The following OCA2 variants were observed in gnomAD, a reference collection of about 807,000 sequenced individuals.
The protein encoded by OCA2 is OCA2 melanosomal transmembrane protein.
OCA2 carries 77 observed loss-of-function variants against 100.2 expected under a neutral mutation model. The ratio of observed to expected loss-of-function variants is 0.77; its 90% CI spans 0.64 to 0.93. The LOEUF (loss-of-function observed/expected upper bound fraction) is 0.93, where lower values mean the gene tolerates loss of function less well. Ranked by LOEUF, OCA2 falls within the 40% of genes least tolerant of loss-of-function variation. The pLI is 0.00. For synonymous variants in OCA2, 432 were observed against 439.2 expected, an observed-to-expected ratio of 0.98 and a Z score of 0.21; for missense variants, 1,062 against 1,089.1, an observed-to-expected ratio of 0.98 and a Z score of 0.35.
chr15:27,864,587 G>A (rs1345654172), intron 21 of OCA2, among the ~76,000 whole-genome samples: 3 of 152,088 alleles, frequency 2.0e-5, no homozygotes, highest in Non-Finnish European at 4.4e-5. Context: ...AAGAAAGCCG[G>A]GGAAAGGAGA....
intron 23 of OCA2, among the ~76,000 whole-genome samples, chr15:27,762,891 C>T (rs181012479): frequency 2.0e-5 from 3 of 152,198 alleles, no homozygotes; most frequent in Admixed American, 1.3e-4. Flanking sequence ...AGTGAGAACA[C>T]GTGGTATTTG....
intron 22 of OCA2, among the ~76,000 whole-genome samples, chr15:27,849,207 G>A (rs1232493078): frequency 6.6e-6 from 1 of 151,628 alleles, no homozygotes; most frequent in Admixed American, 6.6e-5. Context: ...CTGGATTGGT[G>A]TGAACACAGC....
At position 27,833,349 on chromosome 15, in the gene OCA2, G is replaced by A. The variant is rs542299486; in HGVS notation, c.2432+11610C>T. Among the ~76,000 whole-genome samples, 11 of 152,246 alleles carry A rather than the reference G, an allele frequency of 7.2e-5. No individual in the cohort carries two copies. In the East Asian group the frequency reaches 1.4e-3, roughly 19 times the overall value. ...CCACATTTGGGTCATCCATAAATGC[G>A]GAGCTGCACTCCATTGTTTATGTTG... is the stretch of plus-strand genomic sequence containing the variant. On this transcript the variant is annotated intron_variant, in intron 23 of 23. Coordinates refer to ENST00000354638, the MANE Select transcript of OCA2 (RefSeq NM_000275.3).
chr15:28,007,995 A>C (rs1195452203), intron 9 of OCA2, among the ~76,000 whole-genome samples: 1 of 152,188 alleles, frequency 6.6e-6, no homozygotes, highest in Non-Finnish European at 1.5e-5. Context: ...GACCCAGAGG[A>C]CCTTAGCACC....
At chr15:27,925,447 T>C (rs557646348) in intron 19 of OCA2, among the ~76,000 whole-genome samples, 7 of 152,264 alleles carry the variant, frequency 4.6e-5, no homozygotes, top group African/African-American at 1.7e-4. Flanking sequence ...TCCACAAATA[T>C]TTGGAGCCTT....
intron 14 of OCA2, among the ~76,000 whole-genome samples, chr15:27,976,642 T>C (rs1173169777): frequency 6.6e-6 from 1 of 152,192 alleles, no homozygotes; most frequent in African/African-American, 2.4e-5. Flanking sequence ...TATTGTTAAA[T>C]TGGATTTACT....
chr15:28,082,304 G>C (rs1423930281), intron 1 of OCA2, among the ~76,000 whole-genome samples: 2 of 152,150 alleles, frequency 1.3e-5, no homozygotes, highest in Non-Finnish European at 2.9e-5. Flanking sequence ...CAACACGCTG[G>C]ACTCCCCTAC....
intron 23 of OCA2, among the ~76,000 whole-genome samples, chr15:27,803,082 T>C (rs1045336146): frequency 6.6e-6 from 1 of 151,996 alleles, no homozygotes; most frequent in Admixed American, 6.6e-5. Context: ...AACTCAAAAA[T>C]TGAGAAGATA....
intron 14 of OCA2, among the ~76,000 whole-genome samples, chr15:27,974,200 G>A (rs567699539): frequency 1.8e-4 from 27 of 152,150 alleles, no homozygotes; most frequent in Non-Finnish European, 3.2e-4. Flanking sequence ...ACTCTGACTA[G>A]GACTTCCTCT....
chr15:28,066,418 T>C (rs2141714037), intron 2 of OCA2, among the ~76,000 whole-genome samples: 1 of 151,888 alleles, frequency 6.6e-6, no homozygotes, highest in South Asian at 2.1e-4. Context: ...GAGAGGGGGG[T>C]GGGAGGCGTT....
intron 23 of OCA2, among the ~76,000 whole-genome samples, chr15:27,770,852 TCC>T (rs2031722372): frequency 1.2e-5 from 1 of 80,926 alleles, no homozygotes. Context: ...TTTCCTTCCT[TCC>T]TTTCTTCCTT....
intron 17 of OCA2, among the ~76,000 whole-genome samples, chr15:27,954,255 G>A (rs2040142549): frequency 1.3e-5 from 2 of 152,010 alleles, no homozygotes; most frequent in South Asian, 4.1e-4. Context: ...TCGTCCAGGT[G>A]TACAGAGAGG....
intron 23 of OCA2, among the ~76,000 whole-genome samples, chr15:27,835,904 G>C (rs1055704352): frequency 4.6e-5 from 7 of 152,186 alleles, no homozygotes; most frequent in Admixed American, 3.9e-4. Flanking sequence ...TACAGTGGAG[G>C]GGGGGTGGTC....
chr15:27,788,526 A>G (rs1453610099), intron 23 of OCA2, among the ~76,000 whole-genome samples: 1 of 152,012 alleles, frequency 6.6e-6, no homozygotes, highest in Non-Finnish European at 1.5e-5. Flanking sequence ...CAGCTTTCTT[A>G]TGTTTGCACC....
chr15:27,847,867 C>A (rs1200455529), intron 22 of OCA2, among the ~76,000 whole-genome samples: 1 of 152,204 alleles, frequency 6.6e-6, no homozygotes, highest in Non-Finnish European at 1.5e-5. Flanking sequence ...TGGGGACAGG[C>A]AGTCCCAGGT....
chr15:28,055,341 T>G lies in OCA2; in HGVS notation c.228-23178A>C, dbSNP rs377594336. 3.5e-3 allele frequency among the ~76,000 whole-genome samples: 435 copies of G among 126,074 alleles called. 2 individuals carry two copies. Among genetic ancestry groups the G allele is most frequent in the African/African-American group, 0.014 (414 of 29,460 alleles). The allele number at this position is 126,074 out of a possible 152,430, so 82.7% of individuals were successfully genotyped here. A position where few individuals can be genotyped will look rare whatever the true frequency, so the allele number is the denominator to read the frequency against. The stretch of plus-strand genomic sequence containing the variant: ...CACATATCTGATCTCACACTTGCAT[T>G]TTTCCCCAAAACTTTTATCTGCAAA... On this transcript the variant is annotated intron_variant, in intron 2 of 23. Transcript: ENST00000354638.
chr15:27,793,762 C>T (rs553880111), intron 23 of OCA2, among the ~76,000 whole-genome samples: 69 of 152,334 alleles, frequency 4.5e-4, no homozygotes, highest in African/African-American at 1.5e-3. Context: ...CTGCCTGGGG[C>T]GACTTTGTGT....
intron 23 of OCA2, among the ~76,000 whole-genome samples, chr15:27,790,316 A>G (rs556598750): frequency 4.7e-4 from 71 of 152,358 alleles, no homozygotes; most frequent in Middle Eastern, 6.8e-3. Context: ...ATTGAGAATG[A>G]TATAGCAACT....
intron 14 of OCA2, among the ~76,000 whole-genome samples, chr15:27,967,312 C>T (rs375714280): frequency 6.6e-6 from 1 of 152,098 alleles, no homozygotes; most frequent in Admixed American, 6.5e-5. Context: ...GATTCCTTAC[C>T]ATGATTTTGA....
Sources: gnomAD v4.1 joint callset for allele counts (sites outside exome capture counted in the v4.1 genomes callset) on GRCh38, gnomAD v4.1.1 for gene constraint, MANE v1.5 for transcripts, NCBI Gene and HGNC (gene_info 2026-07-23, HGNC 2026-07-21) for gene names.